ANKFN1: variants seen among roughly 807,000 people sequenced by gnomAD.
ANKFN1 encodes ankyrin repeat and fibronectin type-III domain-containing protein 1.
A neutral mutation model predicts 108.7 loss-of-function variants in ANKFN1; 74 were observed. That is an observed-to-expected ratio of 0.68 (90% CI 0.56 to 0.83). ANKFN1 has a LOEUF of 0.83. Among genes scored for constraint, ANKFN1 ranks in the 40% least tolerant of loss-of-function variants. The pLI is 0.00. For synonymous variants in ANKFN1, 547 were observed against 516.2 expected (o/e 1.06, Z -0.81); for missense variants, 1,505 against 1,382.3 (o/e 1.09, Z -1.41).
intron 8 of ANKFN1, among the ~76,000 whole-genome samples, chr17:56,422,471 GCACGCATGCACA>G (rs1490150192): frequency 6.7e-6 from 1 of 149,546 alleles, no homozygotes; most frequent in Non-Finnish European, 1.5e-5. Flanking sequence ...ACACACACAC[GCACGCATGCACA>G]CACGCACATA....
intron 8 of ANKFN1, among the ~76,000 whole-genome samples, chr17:56,385,692 T>C (rs2047242357): frequency 6.6e-6 from 1 of 152,210 alleles, no homozygotes; most frequent in Non-Finnish European, 1.5e-5. Flanking sequence ...AAAGAAGACA[T>C]TTATGTAGCC....
chr17:56,194,616 G>A (rs1328915708), intron 1 of ANKFN1, among the ~76,000 whole-genome samples: 1 of 152,208 alleles, frequency 6.6e-6, no homozygotes, highest in African/African-American at 2.4e-5. Context: ...ATTAAGCAGA[G>A]CACAGAGGAT....
chr17:56,087,060 C>T (rs1411726909), intron 4 of ANKFN1, among the ~76,000 whole-genome samples: 1 of 151,290 alleles, frequency 6.6e-6, no homozygotes, highest in African/African-American at 2.4e-5. Context: ...TTGGTTGTTG[C>T]TGCTGCCACT....
chr17:56,444,424 T>G, intron 10 of ANKFN1, among the ~76,000 whole-genome samples: 1 of 152,294 alleles, frequency 6.6e-6, no homozygotes, highest in East Asian at 1.9e-4. Context: ...ACTATGCCTG[T>G]GTATTTTTTT....
intron 3 of ANKFN1, among the ~76,000 whole-genome samples, chr17:56,312,326 T>C (rs567203749): frequency 1.3e-5 from 2 of 152,288 alleles, no homozygotes; most frequent in South Asian, 4.1e-4. Context: ...TTTGACCCTG[T>C]CTGTGGCCCA....
intron 3 of ANKFN1, among the ~76,000 whole-genome samples, chr17:56,324,942 G>A (rs536901083): frequency 6.6e-6 from 1 of 152,168 alleles, no homozygotes; most frequent in Non-Finnish European, 1.5e-5. Context: ...CGAGCTATCA[G>A]GGGGAGATAA....
chr17:56,253,663 T>C (rs2043288224), intron 3 of ANKFN1, among the ~76,000 whole-genome samples: 1 of 152,108 alleles, frequency 6.6e-6, no homozygotes, highest in Admixed American at 6.6e-5. Context: ...CACTTGAACC[T>C]GGGAGGCAGA....
At chr17:56,457,829 G>C (rs779249385) in intron 13 of ANKFN1, 34 bp from the exon 14 acceptor site, 2 of 1,517,232 alleles carry the variant, frequency 1.3e-6, no homozygotes, top group South Asian at 2.3e-5. Flanking sequence ...GTACTGGCTT[G>C]GACGATGACA....
At chr17:56,159,083 AGAG>A (rs903949654) in intron 1 of ANKFN1, among the ~76,000 whole-genome samples, 15 of 148,826 alleles carry the variant, frequency 1.0e-4, no homozygotes, top group African/African-American at 2.7e-4. Context: ...AAGAAGAGGA[AGAG>A]GAGGAGGAGG....
chr17:56,496,675 G>A (rs1003811790), intron 19 of ANKFN1, among the ~76,000 whole-genome samples: 2 of 151,812 alleles, frequency 1.3e-5, no homozygotes, highest in African/African-American at 4.8e-5. Flanking sequence ...TTAGAATTAG[G>A]ATCCACAGAG....
intron 8 of ANKFN1, among the ~76,000 whole-genome samples, chr17:56,379,965 T>A (rs2047048867): frequency 6.6e-6 from 1 of 152,236 alleles, no homozygotes. Flanking sequence ...TTTTTCAAAA[T>A]GTCTTTGTTA....
intron 18 of ANKFN1, among the ~76,000 whole-genome samples, chr17:56,485,635 A>G (rs2145392016): frequency 6.6e-6 from 1 of 152,362 alleles, no homozygotes; most frequent in African/African-American, 2.4e-5. Flanking sequence ...ATCCCCCTAA[A>G]AAATAAAAAA....
rs552236944 is a variant in ANKFN1 at position 56,077,410 on chromosome 17, T to C, written c.288+31085T>C. ...TCACAAGGAAAATTCAGCTGCAACCTATGGACCCGATCTAAACCTGCCTTC... is the reference window on the plus strand; with the variant it reads ...TCACAAGGAAAATTCAGCTGCAACCCATGGACCCGATCTAAACCTGCCTTC... On this transcript the variant is annotated intron_variant, in intron 4 of 12. Transcript: ENST00000635860. Among the ~76,000 whole-genome samples the C allele has an allele frequency of 1.2e-3, 186 of 152,310 alleles. 1 individual carries two copies. The highest frequency in any genetic ancestry group is 2.2e-3 in the Non-Finnish European group (152 of 68,028).
intron 8 of ANKFN1, among the ~76,000 whole-genome samples, chr17:56,388,039 C>T (rs1024114513): frequency 6.6e-6 from 1 of 152,092 alleles, no homozygotes; most frequent in South Asian, 2.1e-4. Context: ...TTCCTACTCT[C>T]TTCTTCTCAT....
intron 6 of ANKFN1, among the ~76,000 whole-genome samples, chr17:56,356,131 A>G (rs911021242): frequency 6.6e-6 from 1 of 152,082 alleles, no homozygotes; most frequent in Non-Finnish European, 1.5e-5. Flanking sequence ...CACTGGGGCT[A>G]ATGGCAGACC....
chr17:56,365,721 G>A (rs543045820), intron 6 of ANKFN1, among the ~76,000 whole-genome samples: 2 of 152,302 alleles, frequency 1.3e-5, no homozygotes, highest in Admixed American at 1.3e-4. Context: ...TGATGTAGCT[G>A]TCATAACATC....
chr17:56,068,229 G>A (rs916425560), intron 4 of ANKFN1, among the ~76,000 whole-genome samples: 5 of 152,030 alleles, frequency 3.3e-5, no homozygotes, highest in Admixed American at 3.3e-4. Flanking sequence ...ATCCATCAGG[G>A]TCCCAGCAGG....
rs553994645 is a variant in ANKFN1, at chr17:56,368,046, G to A, written c.602-4600G>A. On this transcript the variant is annotated intron_variant, in intron 6 of 20. Transcript: ENST00000682825. Reference sequence around the variant, plus strand: ...TCTTCATCTTTAAAATAAGGAAGTTGAAAATAGCCCCATTCTGCCATCAGA... The same window carrying A: ...TCTTCATCTTTAAAATAAGGAAGTTAAAAATAGCCCCATTCTGCCATCAGA... 3.1e-5 allele frequency: 15 copies of A among 486,180 alleles called. No individual in the cohort carries two copies. The South Asian group carries it at 6.9e-4, about 22-fold the overall frequency. The allele number at this position is 486,180 out of a possible 1,614,324, so 30.1% of individuals were successfully genotyped here. A position where few individuals can be genotyped will look rare whatever the true frequency, so the allele number is the denominator to read the frequency against.
At chr17:56,169,178 G>T (rs921400446) in intron 1 of ANKFN1, among the ~76,000 whole-genome samples, 1 of 152,176 alleles carries the variant, frequency 6.6e-6, no homozygotes, top group African/African-American at 2.4e-5. Flanking sequence ...AAGGAGAGGC[G>T]CAGAGGAAGT....
Sources: allele counts gnomAD v4.1 joint callset (sites outside exome capture counted in the v4.1 genomes callset), GRCh38; gene constraint gnomAD v4.1.1; transcripts MANE v1.5; gene names NCBI Gene and HGNC (gene_info 2026-07-23, HGNC 2026-07-21).